The following CADM2 variants were observed in gnomAD, a reference collection of about 807,000 sequenced individuals.
CADM2 encodes the protein immunoglobulin superfamily member 4D.
Under a neutral mutation model 49.8 loss-of-function variants are expected in CADM2, and 12 were observed. The observed-to-expected ratio is 0.24, with a 90% confidence interval of 0.15 to 0.39. The LOEUF (loss-of-function observed/expected upper bound fraction) is 0.39, where lower values mean the gene tolerates loss of function less well. Ranked by LOEUF, CADM2 falls within the 10% of genes least tolerant of loss-of-function variation. The pLI is 1.00. For missense variants in CADM2, 378 were observed against 492.3 expected (o/e 0.77, Z 2.20); for synonymous variants, 214 against 175.4 (o/e 1.22, Z -1.74).
chr3:85,504,262 T>G (rs2040228443), intron 1 of CADM2, among the ~76,000 whole-genome samples: 1 of 151,962 alleles, frequency 6.6e-6, no homozygotes, highest in Non-Finnish European at 1.5e-5. Context: ...CTGGAGTTGT[T>G]CCTTCCTCCC....
chr3:85,462,998 TGAAAG>T (rs2038316719), intron 1 of CADM2, among the ~76,000 whole-genome samples: 1 of 152,152 alleles, frequency 6.6e-6, no homozygotes, highest in South Asian at 2.1e-4. Flanking sequence ...TCCTCATCTG[TGAAAG>T]GAAACTATAC....
chr3:85,238,604 A>G (rs2042461180), intron 1 of CADM2, among the ~76,000 whole-genome samples: 1 of 151,954 alleles, frequency 6.6e-6, no homozygotes, highest in Non-Finnish European at 1.5e-5. Context: ...GATGACAGTG[A>G]ACAAATGCTT....
chr3:85,644,276 G>A (rs768538716), intron 1 of CADM2, among the ~76,000 whole-genome samples: 2 of 151,954 alleles, frequency 1.3e-5, no homozygotes, highest in South Asian at 2.1e-4. Flanking sequence ...AAAGAGTTCC[G>A]GCATCCATTG....
At chr3:85,364,461 A>G (rs190432134) in intron 1 of CADM2, among the ~76,000 whole-genome samples, 1 of 152,302 alleles carries the variant, frequency 6.6e-6, no homozygotes, top group Non-Finnish European at 1.5e-5. Context: ...ATAGATATCC[A>G]TCAAAGTGAA....
intron 1 of CADM2, among the ~76,000 whole-genome samples, chr3:85,083,619 T>C (rs1208852299): frequency 2.6e-5 from 4 of 152,114 alleles, no homozygotes; most frequent in Non-Finnish European, 4.4e-5. Flanking sequence ...GAATACCCTA[T>C]TGGTTGTCTT....
intron 1 of CADM2, among the ~76,000 whole-genome samples, chr3:85,326,772 T>G (rs1455435918): frequency 6.6e-6 from 1 of 152,150 alleles, no homozygotes; most frequent in Non-Finnish European, 1.5e-5. Flanking sequence ...CCTGGGAAAC[T>G]TAAACACTGA....
intron 1 of CADM2, among the ~76,000 whole-genome samples, chr3:85,129,712 T>C (rs2039162066): frequency 6.6e-6 from 1 of 152,184 alleles, no homozygotes; most frequent in East Asian, 1.9e-4. Flanking sequence ...TATGACAAGG[T>C]ATTTTTATTT....
chr3:85,564,718 A>G (rs1020132769), intron 1 of CADM2, among the ~76,000 whole-genome samples: 6 of 152,090 alleles, frequency 3.9e-5, no homozygotes, highest in African/African-American at 1.4e-4. Flanking sequence ...TTTTAATTCT[A>G]TAATTAAATA....
At chr3:85,974,324 GC>G (rs1726518011) in intron 8 of CADM2, among the ~76,000 whole-genome samples, 1 of 151,636 alleles carries the variant, frequency 6.6e-6, no homozygotes, top group Non-Finnish European at 1.5e-5. Flanking sequence ...GCTATGTCTA[GC>G]TCTGTCAAGG....
intron 8 of CADM2, among the ~76,000 whole-genome samples, chr3:85,966,980 T>G (rs1044045853): frequency 6.6e-6 from 1 of 151,762 alleles, no homozygotes; most frequent in Non-Finnish European, 1.5e-5. Flanking sequence ...GAGATCTCTA[T>G]GTGCTTTGAT....
intron 1 of CADM2, among the ~76,000 whole-genome samples, chr3:85,295,764 C>G (rs1405488947): frequency 6.6e-6 from 1 of 151,680 alleles, no homozygotes; most frequent in East Asian, 2.0e-4. Context: ...ATATCACACT[C>G]TGGGGACTGT....
At chr3:85,554,515 A>T (rs369905276) in intron 1 of CADM2, among the ~76,000 whole-genome samples, 1 of 152,154 alleles carries the variant, frequency 6.6e-6, no homozygotes, top group African/African-American at 2.4e-5. Flanking sequence ...ATATGATTTG[A>T]AAGAGGTTTA....
intron 8 of CADM2, among the ~76,000 whole-genome samples, chr3:86,019,453 G>C (rs1315870797): frequency 1.9e-4 from 29 of 151,266 alleles, no homozygotes; most frequent in Non-Finnish European, 3.8e-4. Context: ...CATTGAATCT[G>C]TAAATTATCT....
intron 1 of CADM2, among the ~76,000 whole-genome samples, chr3:85,067,300 T>C (rs973612419): frequency 9.9e-5 from 15 of 152,190 alleles, no homozygotes; most frequent in African/African-American, 3.1e-4. Flanking sequence ...TGTGTTTGTG[T>C]GTGTGTGTGG....
At chr3:85,524,613 G>A (rs968223393) in intron 1 of CADM2, among the ~76,000 whole-genome samples, 2 of 152,000 alleles carry the variant, frequency 1.3e-5, no homozygotes, top group African/African-American at 4.8e-5. Flanking sequence ...ACTGCTGTTG[G>A]GTGGCATATT....
chr3:84,989,731 T>G (rs1404005160), intron 1 of CADM2, among the ~76,000 whole-genome samples: 2 of 152,056 alleles, frequency 1.3e-5, no homozygotes, highest in Non-Finnish European at 2.9e-5. Flanking sequence ...AATTTGGATT[T>G]AATAGAACTA....
At chr3:85,478,080 G>T (rs1396974989) in intron 1 of CADM2, among the ~76,000 whole-genome samples, 1 of 151,810 alleles carries the variant, frequency 6.6e-6, no homozygotes, top group Non-Finnish European at 1.5e-5. Context: ...GCTCTTCAAA[G>T]TACTTTTAGT....
intron 1 of CADM2, among the ~76,000 whole-genome samples, chr3:85,084,834 T>C (rs2037309476): frequency 6.6e-6 from 1 of 152,132 alleles, no homozygotes; most frequent in Admixed American, 6.5e-5. Context: ...TAGGTTGCTC[T>C]TGATTTTTTC....
chr3:85,819,363 C>T (rs2073410707), intron 3 of CADM2, among the ~76,000 whole-genome samples: 2 of 152,106 alleles, frequency 1.3e-5, no homozygotes, highest in Non-Finnish European at 1.5e-5. Context: ...CAGAAAACAA[C>T]AATAATTTGC....
Sources: allele counts gnomAD v4.1 joint callset (sites outside exome capture counted in the v4.1 genomes callset), GRCh38; gene constraint gnomAD v4.1.1; transcripts MANE v1.5; gene names NCBI Gene and HGNC (gene_info 2026-07-23, HGNC 2026-07-21).